The following CUBN variants were observed in gnomAD, a reference collection of about 807,000 sequenced individuals.
The protein encoded by CUBN is 460 kDa receptor.
In CUBN, 282 loss-of-function variants were observed where a neutral mutation model predicts 405.3. The ratio of observed to expected loss-of-function variants is 0.70; its 90% CI spans 0.63 to 0.77. The LOEUF is 0.77. Among genes scored for constraint, CUBN ranks in the 30% least tolerant of loss-of-function variants. The pLI is 0.00. For missense variants in CUBN, 4,514 were observed against 4,475.2 expected (o/e 1.01, Z -0.25); for synonymous variants, 1,684 against 1,617.0 (o/e 1.04, Z -0.99).
chr10:17,118,021 G>A (rs1246286883), intron 6 of CUBN, among the ~76,000 whole-genome samples: 4 of 152,170 alleles, frequency 2.6e-5, no homozygotes, highest in Non-Finnish European at 5.9e-5. Context: ...AATGACATAA[G>A]ATTTGAGAGG....
intron 5 of CUBN, among the ~76,000 whole-genome samples, chr10:17,123,193 C>G (rs1837086883): frequency 6.7e-6 from 1 of 149,086 alleles, no homozygotes; most frequent in Admixed American, 6.7e-5. Context: ...ACTTACTTAA[C>G]TTTTTTTTTT....
At chr10:17,084,561 C>T (rs1487481861) in intron 16 of CUBN, 100 bp from the exon 17 acceptor site, 2 of 911,982 alleles carry the variant, frequency 2.2e-6, no homozygotes, top group East Asian at 2.6e-5. Context: ...CACACACACA[C>T]ACAAGCACAT....
chr10:16,987,932 A>G (rs1049389211), intron 29 of CUBN, among the ~76,000 whole-genome samples: 4 of 152,200 alleles, frequency 2.6e-5, no homozygotes, highest in African/African-American at 9.6e-5. Flanking sequence ...CTTTTGGTGG[A>G]ACACGGGAGG....
intron 50 of CUBN, 34 bp downstream of exon 50, chr10:16,906,169 T>C (rs189844727): frequency 1.4e-6 from 2 of 1,448,390 alleles, no homozygotes; most frequent in East Asian, 4.5e-5. Flanking sequence ...ATATTGTAGA[T>C]AAATGGGAAA....
intron 31 of CUBN, among the ~76,000 whole-genome samples, chr10:16,971,668 G>A (rs1707284): frequency 0.84 from 127,094 of 152,116 alleles, 53,598 homozygotes; most frequent in Non-Finnish European, 0.9. Context: ...ATTCTAAAAA[G>A]TACAACATTC....
chr10:17,088,426 A>C, intron 14 of CUBN, 81 bp from the exon 15 acceptor site: 1 of 1,193,032 alleles, frequency 8.4e-7, no homozygotes. Flanking sequence ...TTGGCGTAAG[A>C]AGCCAAACTT....
At chr10:16,862,062 T>C (rs575328325) in intron 59 of CUBN, among the ~76,000 whole-genome samples, 1 of 151,868 alleles carries the variant, frequency 6.6e-6, no homozygotes, top group Admixed American at 6.6e-5. Flanking sequence ...GGCAGGAGAA[T>C]TGCTTGAACC....
At chr10:17,095,229 C>T (rs1207514757) in intron 14 of CUBN, among the ~76,000 whole-genome samples, 1 of 151,912 alleles carries the variant, frequency 6.6e-6, no homozygotes, top group African/African-American at 2.4e-5. Flanking sequence ...GAACCCTTAT[C>T]CCACACCACA....
chr10:16,831,496 T>C (rs1838992069), intron 64 of CUBN, 79 bp from the exon 65 acceptor site: 7 of 1,267,540 alleles, frequency 5.5e-6, no homozygotes, highest in Middle Eastern at 2.0e-4. Flanking sequence ...ACAATTTGAA[T>C]GATGACATTG....
rs61688258 is a variant in CUBN at position 17,109,961 on chromosome 10, G to GA, written c.1016-227dup. 5.3e-5 allele frequency among the ~76,000 whole-genome samples: 8 copies of GA among 152,188 alleles called. No individual in the cohort carries two copies. In the South Asian group the frequency reaches 6.2e-4, roughly 12 times the overall value. On this transcript the variant is annotated intron_variant, in intron 9 of 66. Coordinates refer to ENST00000377833, the MANE Select transcript of CUBN (RefSeq NM_001081.4). ...AGCAATGTTCTGGGTTGTTTCTAAT[G>GA]AAAAAAATATGTATAAAACTACTGG...
chr10:17,073,747 A>G (rs1301241668), intron 17 of CUBN, among the ~76,000 whole-genome samples: 1 of 152,142 alleles, frequency 6.6e-6, no homozygotes, highest in East Asian at 1.9e-4. Context: ...CGCCCGGCCA[A>G]ATAGCCAGCT....
At chr10:16,834,127 C>A (rs1839095434) in intron 64 of CUBN, among the ~76,000 whole-genome samples, 1 of 152,108 alleles carries the variant, frequency 6.6e-6, no homozygotes, top group African/African-American at 2.4e-5. Context: ...GCTCAAACCC[C>A]GTGAGCTCTG....
rs1839697603 is a variant in CUBN, at chr10:16,851,756, C to CT, written c.9455-314dup. ...TCCCTCTATCTTTCCCTCCCTCACT[C>CT]TGTCTTTCCCTCCCTCACTCTCTTT... On this transcript the variant is annotated intron_variant, in intron 59 of 66. Coordinates refer to ENST00000377833, the MANE Select transcript of CUBN (RefSeq NM_001081.4). 2.2e-5 allele frequency among the ~76,000 whole-genome samples: 3 copies of CT among 135,542 alleles called. No homozygotes were observed. In the South Asian group the frequency reaches 7.5e-4, roughly 34 times the overall value. The allele number at this position is 135,542 out of a possible 152,430, so 88.9% of individuals were successfully genotyped here.
chr10:16,904,583 AG>A (rs1270983773), intron 50 of CUBN, among the ~76,000 whole-genome samples: 1 of 152,256 alleles, frequency 6.6e-6, no homozygotes, highest in Admixed American at 6.5e-5. Context: ...TCAGGCCAAG[AG>A]CTGTCAGATC....
chr10:17,095,654 T>C (rs1836357386), intron 14 of CUBN, among the ~76,000 whole-genome samples: 1 of 151,994 alleles, frequency 6.6e-6, no homozygotes, highest in Non-Finnish European at 1.5e-5. Context: ...GAAAGTATAC[T>C]GGTACAGCCA....
In CUBN at chr10:17,068,649, G is replaced by A; in HGVS notation, c.2747C>T (p.Thr916Ile). Residue 916 changes from threonine (T) to isoleucine (I), a missense_variant, in exon 20 of 67, where the codon ACT becomes ATT. This residue lies in a region of CUBN where 1,448 missense variants were observed against 1,388.0 expected (regional missense o/e 1.04). Coordinates refer to ENST00000377833, the MANE Select transcript of CUBN (RefSeq NM_001081.4). Reference sequence around the variant, plus strand: ...CTTAGCCATGAAACCATGGTTTTCAGTAGAAGAACTTTTCACGAATGTGAC... The same window carrying A: ...CTTAGCCATGAAACCATGGTTTTCAATAGAAGAACTTTTCACGAATGTGAC... ...LYVTFVKSSS[T>I]ENHGFMAKFS... 6.2e-7 allele frequency: 1 copy of A among 1,613,200 alleles called. No individual in the cohort carries two copies.
At chr10:17,048,096 G>C (rs1278731429) in intron 22 of CUBN, among the ~76,000 whole-genome samples, 1 of 152,214 alleles carries the variant, frequency 6.6e-6, no homozygotes, top group African/African-American at 2.4e-5. Context: ...CTCAAACACT[G>C]TCAAGCTCTG....
At chr10:16,892,635 G>T (rs1286184208) in intron 54 of CUBN, among the ~76,000 whole-genome samples, 1 of 152,074 alleles carries the variant, frequency 6.6e-6, no homozygotes, top group Non-Finnish European at 1.5e-5. Flanking sequence ...GGGACTACAG[G>T]TGCGTGCAAC....
At chr10:16,948,395 G>A (rs1044870528) in intron 35 of CUBN, 83 bp downstream of exon 35, 111 of 1,591,106 alleles carry the variant, frequency 7.0e-5, no homozygotes, top group Non-Finnish European at 8.7e-5. Flanking sequence ...TCCCAACTAC[G>A]AAGGTCAGAG....
Sources: allele counts gnomAD v4.1 joint callset (sites outside exome capture counted in the v4.1 genomes callset), GRCh38; gene constraint gnomAD v4.1.1; regional missense constraint gnomAD v4.1.1; transcripts MANE v1.5; gene names NCBI Gene and HGNC (gene_info 2026-07-23, HGNC 2026-07-21).